MAST4: variants seen among roughly 807,000 people sequenced by gnomAD.
MAST4 encodes the protein microtubule-associated serine/threonine-protein kinase 4.
A neutral mutation model predicts 162.7 loss-of-function variants in MAST4; 89 were observed. That is an observed-to-expected ratio of 0.55 (90% CI 0.46 to 0.65). The LOEUF (loss-of-function observed/expected upper bound fraction) is 0.65. Among genes scored for constraint, MAST4 ranks in the 30% least tolerant of loss-of-function variants. The pLI is 0.00. For synonymous variants in MAST4, 1,479 were observed against 1,361.1 expected, an observed-to-expected ratio of 1.09 and a Z score of -1.91; for missense variants, 3,153 against 3,374.0, an observed-to-expected ratio of 0.93 and a Z score of 1.62.
chr5:66,800,161 G>A (rs1313484053), intron 3 of MAST4, among the ~76,000 whole-genome samples: 5 of 152,150 alleles, frequency 3.3e-5, no homozygotes, highest in African/African-American at 2.4e-5. Context: ...GATTTGCCAT[G>A]TTTTCTGCAG....
chr5:66,734,853 G>A (rs867298914), intron 1 of MAST4, among the ~76,000 whole-genome samples: 13 of 152,318 alleles, frequency 8.5e-5, no homozygotes, highest in Middle Eastern at 3.4e-3. Context: ...TTTTCTAGCT[G>A]TCAGGACTCC....
At chr5:66,971,914 A>G (rs1475602175) in intron 4 of MAST4, among the ~76,000 whole-genome samples, 1 of 144,658 alleles carries the variant, frequency 6.9e-6, no homozygotes, top group Admixed American at 6.7e-5. Flanking sequence ...TATGAGAATT[A>G]AGTTGTGATT....
chr5:66,713,378 T>G (rs180999177), intron 1 of MAST4, among the ~76,000 whole-genome samples: 34 of 152,332 alleles, frequency 2.2e-4, no homozygotes, highest in African/African-American at 8.2e-4. Context: ...GAAGAAGCAC[T>G]GAGAGTGGCT....
intron 1 of MAST4, among the ~76,000 whole-genome samples, chr5:66,612,562 A>C (rs1292556449): frequency 6.6e-6 from 1 of 152,166 alleles, no homozygotes; most frequent in Non-Finnish European, 1.5e-5. Context: ...GAAATAATAG[A>C]TCTGGTCAGG....
At chr5:66,975,119 T>G (rs990416893) in intron 4 of MAST4, among the ~76,000 whole-genome samples, 4 of 152,150 alleles carry the variant, frequency 2.6e-5, no homozygotes, top group African/African-American at 9.7e-5. Context: ...CAAGGGGGAT[T>G]TGGCCCACAG....
intron 5 of MAST4, among the ~76,000 whole-genome samples, chr5:67,075,114 T>C (rs1167117980): frequency 2.0e-5 from 3 of 151,936 alleles, no homozygotes; most frequent in Admixed American, 6.6e-5. Flanking sequence ...TAGAAATGTA[T>C]ATGTCTGCTG....
Position 67,142,494 on chromosome 5 carries a change from A to G in MAST4, c.2691A>G (p.Glu897=). The change falls in exon 21 of 29, where the codon GAA becomes GAG. Residue 897 remains glutamate (E), a synonymous_variant. Coordinates refer to ENST00000403625, the MANE Select transcript of MAST4 (RefSeq NM_001164664.2). ...CAAATGATGAAGACTTTAATGTGGA[A>G]ATAAGGCAGTTTTCTTCATGTTCAC... The part of the protein sequence containing the change: ...DDTNDEDFNV[E]IRQFSSCSHR... 1 of 1,595,028 alleles carries G rather than the reference A, an allele frequency of 6.3e-7. No homozygotes were observed.
chr5:67,124,698 G>C (rs1768000589), intron 14 of MAST4, among the ~76,000 whole-genome samples: 1 of 152,112 alleles, frequency 6.6e-6, no homozygotes, highest in Admixed American at 6.6e-5. Context: ...CTACTTATAG[G>C]ATTCTTTTAA....
intron 12 of MAST4, chr5:67,114,491 A>G (rs764152371): frequency 9.4e-5 from 32 of 339,902 alleles, no homozygotes; most frequent in Non-Finnish European, 1.4e-4. Flanking sequence ...AGTGTCCCAG[A>G]AGGGTTGCAA....
chr5:66,946,182 A>G (rs1449406044), intron 4 of MAST4, among the ~76,000 whole-genome samples: 3 of 152,146 alleles, frequency 2.0e-5, no homozygotes, highest in Non-Finnish European at 2.9e-5. Context: ...TGGAATACAG[A>G]GGAGCTGTGT....
In MAST4 at chr5:67,166,589, C is replaced by T. The variant is rs760872240; in HGVS notation, c.7410C>T (p.Ala2470=). Residue 2470 remains alanine, a synonymous_variant, in exon 29 of 29, where the codon GCC becomes GCT. Coordinates refer to ENST00000403625, the MANE Select transcript of MAST4 (RefSeq NM_001164664.2). ...CCTCCAGCTTCCCTGAAACCAGGGCCGGAGTTAGAGAGGCCTCTGCAGCCA... is the reference window on the plus strand; with the variant it reads ...CCTCCAGCTTCCCTGAAACCAGGGCTGGAGTTAGAGAGGCCTCTGCAGCCA... ...SCSSSFPETR[A]GVREASAASS... is the part of the protein sequence containing the mutation. 9.4e-6 allele frequency: 15 copies of T among 1,602,598 alleles called. No individual in the cohort carries two copies. The African/African-American group carries it at 9.4e-5, about 10-fold the overall frequency.
At chr5:66,664,647 T>G (rs138280960) in intron 1 of MAST4, among the ~76,000 whole-genome samples, 66 of 151,360 alleles carry the variant, frequency 4.4e-4, no homozygotes, top group African/African-American at 1.6e-3. Flanking sequence ...GATGAGGCCA[T>G]GAACTTGTAG....
chr5:66,762,450 G>T (rs1172621629), intron 2 of MAST4, among the ~76,000 whole-genome samples: 1 of 152,314 alleles, frequency 6.6e-6, no homozygotes, highest in East Asian at 1.9e-4. Flanking sequence ...AATTTGGGGG[G>T]ATTTGGAGTT....
chr5:67,015,958 T>A (rs942345608), intron 4 of MAST4, among the ~76,000 whole-genome samples: 4 of 152,234 alleles, frequency 2.6e-5, no homozygotes, highest in Non-Finnish European at 5.9e-5. Flanking sequence ...CGTCATTTTT[T>A]CATTTGTATG....
intron 4 of MAST4, among the ~76,000 whole-genome samples, chr5:66,921,617 G>A (rs116816087): frequency 0.031 from 4,647 of 152,066 alleles, 252 homozygotes; most frequent in African/African-American, 0.1. Context: ...AAAATTAGCC[G>A]GTATGGTGGC....
intron 3 of MAST4, among the ~76,000 whole-genome samples, chr5:66,852,976 G>T (rs749256115): frequency 6.6e-6 from 1 of 152,218 alleles, no homozygotes; most frequent in Non-Finnish European, 1.5e-5. Flanking sequence ...TGTCATAGTG[G>T]ATGGTACACC....
intron 1 of MAST4, among the ~76,000 whole-genome samples, chr5:66,615,134 G>A (rs955828206): frequency 6.6e-6 from 1 of 152,156 alleles, no homozygotes; most frequent in Non-Finnish European, 1.5e-5. Flanking sequence ...TGTGTGTCCT[G>A]GTGTGGAGGG....
chr5:66,603,968 A>C (rs1742713881), intron 1 of MAST4, among the ~76,000 whole-genome samples: 1 of 152,230 alleles, frequency 6.6e-6, no homozygotes. Flanking sequence ...TGGTTTCGCC[A>C]ACAGCTGCTG....
chr5:67,159,814 A>G (rs1259652003), intron 26 of MAST4, among the ~76,000 whole-genome samples: 1 of 152,208 alleles, frequency 6.6e-6, no homozygotes, highest in Non-Finnish European at 1.5e-5. Context: ...TGACCTGGTT[A>G]AAAAGAGGTT....
Sources: gnomAD v4.1 joint callset for allele counts (sites outside exome capture counted in the v4.1 genomes callset) on GRCh38, gnomAD v4.1.1 for gene constraint, MANE v1.5 for transcripts, NCBI Gene and HGNC (gene_info 2026-07-23, HGNC 2026-07-21) for gene names.